Variants in DNAJB1 observed in about 807,000 individuals in gnomAD.
DNAJB1 encodes dnaJ homolog subfamily B member 1.
In DNAJB1, 14 loss-of-function variants were observed where a neutral mutation model predicts 24.0. That is an observed-to-expected ratio of 0.58 (90% CI 0.39 to 0.91). The LOEUF (loss-of-function observed/expected upper bound fraction) is 0.91, where lower values mean the gene tolerates loss of function less well. DNAJB1 is among the 40% of genes least tolerant of loss of function. DNAJB1 has a pLI of 0.00. For synonymous variants in DNAJB1, 262 were observed against 174.4 expected (o/e 1.50, Z -3.96); for missense variants, 517 against 458.1 (o/e 1.13, Z -1.17).
upstream of DNAJB1, chr19:14,531,881 C>T (rs2072680426): frequency 6.6e-6 from 1 of 152,078 alleles, no homozygotes; most frequent in Admixed American, 6.6e-5. Flanking sequence ...TGTAGTCCCA[C>T]TACTGTAGTC....
intron 1 of DNAJB1, among the ~76,000 whole-genome samples, chr19:14,543,767 C>T (rs1238924850): frequency 2.0e-5 from 3 of 147,282 alleles, no homozygotes; most frequent in African/African-American, 5.0e-5. Context: ...GAGACAGAGT[C>T]TCCCTTTGTT....
intron 1 of DNAJB1, among the ~76,000 whole-genome samples, chr19:14,546,306 G>A (rs1007882764): frequency 1.3e-5 from 2 of 152,024 alleles, no homozygotes; most frequent in African/African-American, 4.8e-5. Flanking sequence ...TCCACCCTAG[G>A]CCAGGTGTAG....
chr19:14,519,304 G>A (rs1250767830), upstream of DNAJB1, among the ~76,000 whole-genome samples: 2 of 152,182 alleles, frequency 1.3e-5, no homozygotes, highest in East Asian at 1.9e-4. Context: ...GGGAGGCGGA[G>A]GTTGCAGTGA....
chr19:14,518,399 C>T (rs749333066), upstream of DNAJB1: 7 of 1,507,724 alleles, frequency 4.6e-6, no homozygotes, highest in Non-Finnish European at 6.2e-6. Context: ...CCCGGCTCCG[C>T]CGCCGACCAG....
At chr19:14,556,413 A>AAAAACAAAAAAAAAC (rs1555735954) in intron 1 of DNAJB1, among the ~76,000 whole-genome samples, 17 of 86,514 alleles carry the variant, frequency 2.0e-4, no homozygotes, top group African/African-American at 5.0e-4. Context: ...TCTCTCAAAA[A>AAAAACAAAAAAAAAC]AAAAACAAAA....
At chr19:14,552,415 C>T (rs2146605397), upstream of DNAJB1, among the ~76,000 whole-genome samples, 1 of 152,086 alleles carries the variant, frequency 6.6e-6, no homozygotes, top group East Asian at 1.9e-4. Flanking sequence ...TGGGCCTGAG[C>T]AAGCTGGGTG....
chr19:14,550,221 T>C (rs1226075783), exon 1 of DNAJB1, among the ~76,000 whole-genome samples: 1 of 152,062 alleles, frequency 6.6e-6, no homozygotes, highest in Non-Finnish European at 1.5e-5. Flanking sequence ...CAAAAGAGGA[T>C]GAATACATTG....
In DNAJB1 at chr19:14,540,237, A is replaced by C. The variant is rs144554619; in HGVS notation, c.-214+9971T>G. Among the ~76,000 whole-genome samples the C allele has an allele frequency of 8.6e-3, 1,262 of 147,482 alleles. 16 individuals are homozygous for C. Among genetic ancestry groups the C allele is most frequent in the African/African-American group, 0.03 (1,190 of 40,000 alleles). On this transcript the variant is annotated intron_variant, in intron 1 of 3. Coordinates refer to the DNAJB1 transcript ENST00000676982. ...ACCACGCCTGGCTAATTTATTTTTT[A>C]TTTTTTATTTTTACTAGAGACAGGG...
chr19:14,540,091 G>T (rs1296750132), intron 1 of DNAJB1, among the ~76,000 whole-genome samples: 3 of 146,430 alleles, frequency 2.0e-5, no homozygotes, highest in African/African-American at 7.6e-5. Context: ...ACGGAGTCTC[G>T]CTCTGTCGCC....
chr19:14,515,823 A>C lies in DNAJB1; in HGVS notation c.*117T>G. On this transcript the variant is annotated 3_prime_UTR_variant, in exon 3 of 3. Coordinates refer to ENST00000254322, the MANE Select transcript of DNAJB1 (RefSeq NM_006145.3). ...ATATATGCTCTGGAAAACATTCAGC[A>C]GTACGAAAGCCCTCCCTGGGCCCTC... is the stretch of plus-strand genomic sequence containing the variant. 1 of 904,356 alleles carries C rather than the reference A, an allele frequency of 1.1e-6. No homozygotes were observed. Among genetic ancestry groups the C allele is most frequent in the Non-Finnish European group, 1.7e-6 (1 of 580,118 alleles). The allele number at this position is 904,356 out of a possible 1,614,324, so 56.0% of individuals were successfully genotyped here. A position where few individuals can be genotyped will look rare whatever the true frequency, so the allele number is the denominator to read the frequency against.
chr19:14,558,439 CG>C (rs1352754760), intron 1 of DNAJB1, among the ~76,000 whole-genome samples: 1 of 152,178 alleles, frequency 6.6e-6, no homozygotes, highest in African/African-American at 2.4e-5. Flanking sequence ...CACGCCGCAC[CG>C]TGTGTCCTGG....
At chr19:14,535,432 G>A (rs558972861) in intron 1 of DNAJB1, among the ~76,000 whole-genome samples, 7 of 138,004 alleles carry the variant, frequency 5.1e-5, no homozygotes, top group Non-Finnish European at 7.6e-5. Flanking sequence ...GGCTTGACCC[G>A]GGAGGCGGAG....
intron 1 of DNAJB1, among the ~76,000 whole-genome samples, chr19:14,544,816 A>G (rs1356626023): frequency 6.6e-6 from 1 of 151,814 alleles, no homozygotes; most frequent in Non-Finnish European, 1.5e-5. Flanking sequence ...AATTTTCTGT[A>G]GAGATGGGGT....
In DNAJB1 at chr19:14,518,188, C is replaced by G. The variant is rs780201528; in HGVS notation, c.162G>C (p.Val54=). ...KFKEIAEAYD[V]LSDPRKREIF... ...TCTCGCGCTTGCGCGGGTCGCTGAG[C>G]ACGTCGTAGGCCTCAGCGATCTCCT... The change falls in exon 1 of 3, where the codon GTG becomes GTC. Residue 54 remains valine (V), a synonymous_variant. Coordinates refer to ENST00000254322, the MANE Select transcript of DNAJB1 (RefSeq NM_006145.3). 1 of 1,597,692 alleles carries G rather than the reference C, an allele frequency of 6.3e-7. No homozygotes were observed. Among genetic ancestry groups the G allele is most frequent in the East Asian group, 2.3e-5 (1 of 42,724 alleles).
At chr19:14,544,560 T>A (rs2073237299) in intron 1 of DNAJB1, among the ~76,000 whole-genome samples, 1 of 141,576 alleles carries the variant, frequency 7.1e-6, no homozygotes, top group African/African-American at 2.5e-5. Flanking sequence ...TAGCATATCC[T>A]TGGTGATAGT....
upstream of DNAJB1, chr19:14,529,671 A>G (rs746060673): frequency 6.2e-7 from 1 of 1,613,764 alleles, no homozygotes; most frequent in Non-Finnish European, 8.5e-7. Flanking sequence ...GCAGCCGCGG[A>G]GCAGTAGCCG....
At chr19:14,523,298 A>T (rs919584538), upstream of DNAJB1, among the ~76,000 whole-genome samples, 5 of 152,114 alleles carry the variant, frequency 3.3e-5, no homozygotes, top group Non-Finnish European at 7.4e-5. Context: ...TGAACAGGAA[A>T]TGAACATTAT....
At chr19:14,535,793 C>G (rs2072879475) in intron 1 of DNAJB1, among the ~76,000 whole-genome samples, 1 of 144,506 alleles carries the variant, frequency 6.9e-6, no homozygotes, top group Admixed American at 7.0e-5. Flanking sequence ...AGTGGTGAGC[C>G]TTGAGCTGTG....
chr19:14,545,646 A>C (rs2073281895), intron 1 of DNAJB1: 1 of 194,554 alleles, frequency 5.1e-6, no homozygotes. Flanking sequence ...GGCCCGACGC[A>C]GCAAGGGGCA....
Sources: allele counts gnomAD v4.1 joint callset (sites outside exome capture counted in the v4.1 genomes callset), GRCh38; gene constraint gnomAD v4.1.1; transcripts MANE v1.5; gene names NCBI Gene and HGNC (gene_info 2026-07-23, HGNC 2026-07-21).